Variants in SGCD observed in about 807,000 individuals in gnomAD.
The protein encoded by SGCD is sarcoglycan delta, also known as delta-sarcoglycan.
Under a neutral mutation model 36.6 loss-of-function variants are expected in SGCD, and 18 were observed. The ratio of observed to expected loss-of-function variants is 0.49; its 90% CI spans 0.34 to 0.73. The LOEUF (loss-of-function observed/expected upper bound fraction) is 0.73, where lower values mean the gene tolerates loss of function less well. Among genes scored for constraint, SGCD ranks in the 30% least tolerant of loss-of-function variants. The pLI, the probability that SGCD is intolerant of heterozygous loss-of-function variation, is 0.01. For synonymous variants in SGCD, 133 were observed against 130.6 expected, an observed-to-expected ratio of 1.02 and a Z score of -0.12; for missense variants, 387 against 346.7, an observed-to-expected ratio of 1.12 and a Z score of -0.92.
chr5:155,768,394 C>A, the SGCD span, among the ~76,000 whole-genome samples: 1 of 151,824 alleles, frequency 6.6e-6, no homozygotes, highest in African/African-American at 2.4e-5. Context: ...TGTTGAGCAT[C>A]CACTCTGTAT....
chr5:155,781,060 G>A, the SGCD span, among the ~76,000 whole-genome samples: 5 of 152,138 alleles, frequency 3.3e-5, no homozygotes, highest in Admixed American at 3.3e-4. Flanking sequence ...AGTCAAGTGA[G>A]ACTTTCAATT....
chr5:155,951,697 C>T (rs528242251), intron 1 of SGCD, among the ~76,000 whole-genome samples: 1 of 152,174 alleles, frequency 6.6e-6, no homozygotes, highest in South Asian at 2.1e-4. Flanking sequence ...TAGGCTATGT[C>T]AAATGCCTAA....
intron 1 of SGCD, among the ~76,000 whole-genome samples, chr5:156,080,952 G>C (rs1320958306): frequency 2.0e-5 from 3 of 152,014 alleles, no homozygotes; most frequent in African/African-American, 7.3e-5. Flanking sequence ...CCATACTCCT[G>C]GTACCAATTT....
intron 2 of SGCD, among the ~76,000 whole-genome samples, chr5:156,335,650 C>CA (rs1177231205): frequency 1.3e-5 from 2 of 152,202 alleles, no homozygotes; most frequent in Admixed American, 1.3e-4. Context: ...CCCCTGCACA[C>CA]TCCATCCCCC....
chr5:155,845,001 A>G, the SGCD span, among the ~76,000 whole-genome samples: 1 of 151,962 alleles, frequency 6.6e-6, no homozygotes, highest in Non-Finnish European at 1.5e-5. Flanking sequence ...TACATCAGGT[A>G]TTTCTCCTAA....
chr5:156,347,882 T>C (rs892622704), intron 3 of SGCD, among the ~76,000 whole-genome samples: 1 of 152,204 alleles, frequency 6.6e-6, no homozygotes, highest in African/African-American at 2.4e-5. Flanking sequence ...TTCCTGCAGT[T>C]AACTAAATTG....
At chr5:156,242,791 T>C (rs1254060924) in intron 3 of SGCD, among the ~76,000 whole-genome samples, 1 of 152,124 alleles carries the variant, frequency 6.6e-6, no homozygotes, top group Non-Finnish European at 1.5e-5. Flanking sequence ...CTGCCCAGCG[T>C]GTGGTGTTGG....
chr5:155,945,311 A>G (rs1203073185), intron 1 of SGCD, among the ~76,000 whole-genome samples: 1 of 152,190 alleles, frequency 6.6e-6, no homozygotes, highest in Non-Finnish European at 1.5e-5. Flanking sequence ...GCAATAGGGA[A>G]GGGAGAGAGA....
At chr5:156,150,196 C>T (rs1486487552) in intron 3 of SGCD, among the ~76,000 whole-genome samples, 1 of 151,888 alleles carries the variant, frequency 6.6e-6, no homozygotes, top group Non-Finnish European at 1.5e-5. Context: ...TTTGCAACTC[C>T]TTTTGGCTCC....
intron 3 of SGCD, among the ~76,000 whole-genome samples, chr5:156,258,448 T>G (rs983766796): frequency 6.6e-6 from 1 of 152,194 alleles, no homozygotes; most frequent in Non-Finnish European, 1.5e-5. Flanking sequence ...AAAAGTTCAT[T>G]GATATGATTT....
intron 7 of SGCD, among the ~76,000 whole-genome samples, chr5:156,706,949 T>C (rs538389569): frequency 1.3e-5 from 2 of 152,338 alleles, no homozygotes; most frequent in African/African-American, 4.8e-5. Context: ...TTCATCCTTC[T>C]GTCATTTCTT....
chr5:156,168,612 A>G (rs142756214), intron 3 of SGCD, among the ~76,000 whole-genome samples: 6 of 152,348 alleles, frequency 3.9e-5, no homozygotes, highest in Non-Finnish European at 7.3e-5. Context: ...ATATTAAATA[A>G]GGCCAATAAA....
intron 7 of SGCD, among the ~76,000 whole-genome samples, chr5:156,708,603 A>G (rs2113747729): frequency 6.6e-6 from 1 of 152,360 alleles, no homozygotes; most frequent in Non-Finnish European, 1.5e-5. Context: ...AAACAGATGT[A>G]TTGAGGAATA....
chr5:156,712,690 C>A (rs543595303), intron 7 of SGCD, among the ~76,000 whole-genome samples: 1 of 152,280 alleles, frequency 6.6e-6, no homozygotes, highest in Non-Finnish European at 1.5e-5. Flanking sequence ...GTTCACGCAG[C>A]GGAGCAAACC....
the SGCD span, among the ~76,000 whole-genome samples, chr5:155,739,300 A>G: frequency 6.6e-6 from 1 of 152,196 alleles, no homozygotes; most frequent in Non-Finnish European, 1.5e-5. Flanking sequence ...AGATCTTTCC[A>G]TGCAGCAGGA....
At chr5:156,733,627 GGAGTCT>G (rs1222602251) in intron 7 of SGCD, among the ~76,000 whole-genome samples, 1 of 152,064 alleles carries the variant, frequency 6.6e-6, no homozygotes, top group Non-Finnish European at 1.5e-5. Context: ...ATATAGTATA[GGAGTCT>G]GAGTCTCTTT....
At chr5:156,159,072 T>G (rs956630720) in intron 3 of SGCD, among the ~76,000 whole-genome samples, 1 of 151,700 alleles carries the variant, frequency 6.6e-6, no homozygotes, top group African/African-American at 2.4e-5. Flanking sequence ...CCTCAACTTT[T>G]ATTAGCGTAT....
At chr5:155,756,650 G>T in the SGCD span, among the ~76,000 whole-genome samples, 1 of 152,152 alleles carries the variant, frequency 6.6e-6, no homozygotes, top group Non-Finnish European at 1.5e-5. Context: ...TTTTATCATT[G>T]TTGCCCAGCC....
At chr5:155,898,192 C>G (rs901613566) in intron 1 of SGCD, among the ~76,000 whole-genome samples, 1 of 152,140 alleles carries the variant, frequency 6.6e-6, no homozygotes, top group Non-Finnish European at 1.5e-5. Context: ...TAAATTGTCC[C>G]TGCTATCCCA....
Sources: allele counts gnomAD v4.1 joint callset (sites outside exome capture counted in the v4.1 genomes callset), GRCh38; gene constraint gnomAD v4.1.1; transcripts MANE v1.5; gene names NCBI Gene and HGNC (gene_info 2026-07-23, HGNC 2026-07-21).